AKAP6: variants seen among roughly 807,000 people sequenced by gnomAD.
The protein encoded by AKAP6 is A-kinase anchoring protein 6.
AKAP6 carries 58 observed loss-of-function variants against 188.5 expected under a neutral mutation model. The observed-to-expected ratio is 0.31, with a 90% CI of 0.25 to 0.38. The LOEUF (loss-of-function observed/expected upper bound fraction) is 0.38. AKAP6 is among the 10% of genes least tolerant of loss of function. AKAP6 has a pLI of 1.00. For missense variants in AKAP6, 2,710 were observed against 2,740.0 expected, an observed-to-expected ratio of 0.99 and a Z score of 0.24; for synonymous variants, 989 against 998.6, an observed-to-expected ratio of 0.99 and a Z score of 0.18.
At chr14:32,754,703 C>G (rs1449210315) in intron 11 of AKAP6, among the ~76,000 whole-genome samples, 1 of 152,178 alleles carries the variant, frequency 6.6e-6, no homozygotes. Flanking sequence ...ACTTCCACAA[C>G]TTTTATTTCT....
chr14:32,620,150 C>T (rs867801093), intron 7 of AKAP6, among the ~76,000 whole-genome samples: 6 of 152,040 alleles, frequency 3.9e-5, no homozygotes, highest in South Asian at 2.1e-4. Context: ...TTTGGATGCC[C>T]TTTATTTCTT....
chr14:32,685,092 C>A (rs1889852735), intron 8 of AKAP6, among the ~76,000 whole-genome samples: 1 of 88,454 alleles, frequency 1.1e-5, no homozygotes. Flanking sequence ...CCCCCCCTAC[C>A]AAACCTACAA....
At chr14:32,505,421 A>C (rs906787512) in intron 2 of AKAP6, among the ~76,000 whole-genome samples, 4 of 151,968 alleles carry the variant, frequency 2.6e-5, no homozygotes, top group Non-Finnish European at 5.9e-5. Context: ...TAAGAGGATG[A>C]CAAAAAAAAC....
intron 1 of AKAP6, chr14:32,418,086 AG>A: frequency 6.6e-6 from 1 of 152,324 alleles, no homozygotes; most frequent in African/African-American, 2.4e-5. Flanking sequence ...CAAATGACTA[AG>A]TAAGACCAAC....
chr14:32,517,372 G>T (rs564553861), intron 2 of AKAP6, among the ~76,000 whole-genome samples: 14 of 152,302 alleles, frequency 9.2e-5, no homozygotes, highest in African/African-American at 2.2e-4. Flanking sequence ...TGTAAGTGAC[G>T]CAGAAGACGG....
intron 11 of AKAP6, among the ~76,000 whole-genome samples, chr14:32,765,542 T>C (rs1251748382): frequency 1.3e-5 from 2 of 152,226 alleles, no homozygotes; most frequent in African/African-American, 4.8e-5. Context: ...TGTTTATGTT[T>C]TATGCTATTT....
intron 9 of AKAP6, among the ~76,000 whole-genome samples, chr14:32,705,340 G>A (rs896418062): frequency 6.6e-6 from 1 of 152,070 alleles, no homozygotes; most frequent in African/African-American, 2.4e-5. Flanking sequence ...AAATAGAAAG[G>A]CATTGGGAAG....
At chr14:32,431,371 T>G (rs970430110) in intron 1 of AKAP6, among the ~76,000 whole-genome samples, 13 of 152,224 alleles carry the variant, frequency 8.5e-5, no homozygotes, top group African/African-American at 1.2e-4. Flanking sequence ...CCTTTTGCAT[T>G]CAGGTGGCGA....
chr14:32,829,706 AT>A (rs2034778574), intron 13 of AKAP6, 141 bp from the exon 14 acceptor site: 3 of 447,646 alleles, frequency 6.7e-6, no homozygotes, highest in South Asian at 9.9e-5. Flanking sequence ...AAAATTATTT[AT>A]ATTTTATGTA....
chr14:32,665,528 A>G (rs1888892736), intron 7 of AKAP6, among the ~76,000 whole-genome samples: 1 of 152,150 alleles, frequency 6.6e-6, no homozygotes, highest in Non-Finnish European at 1.5e-5. Flanking sequence ...AGTAACCTCC[A>G]TGTGTTCAGC....
At chr14:32,583,644 G>A (rs547239224) in intron 5 of AKAP6, among the ~76,000 whole-genome samples, 24 of 152,304 alleles carry the variant, frequency 1.6e-4, no homozygotes, top group Middle Eastern at 3.4e-3. Flanking sequence ...CGAGCTTCCT[G>A]GCTGCTTTGT....
At position 32,462,836 on chromosome 14, in the gene AKAP6, C is replaced by T. The variant is rs182432010; in HGVS notation, c.324+29019C>T. On this transcript the variant is annotated intron_variant, in intron 2 of 13. Coordinates refer to ENST00000280979, the MANE Select transcript of AKAP6 (RefSeq NM_004274.5). ...TGCTGCATTCAAGAGACCCATCTCA[C>T]GTGCAAAAACACACATAGGCTCAAA... 6.0e-5 allele frequency among the ~76,000 whole-genome samples: 8 copies of T among 132,900 alleles called. No homozygotes were observed. The East Asian group carries it at 6.7e-4, about 11-fold the overall frequency. 87.2% of individuals were successfully genotyped at this position (132,900 alleles called of 152,430 possible).
At chr14:32,675,750 A>G (rs1297865206) in intron 7 of AKAP6, among the ~76,000 whole-genome samples, 41 of 152,238 alleles carry the variant, frequency 2.7e-4, no homozygotes, top group Admixed American at 2.7e-3. Flanking sequence ...GATATTATGC[A>G]GTAAAAGTCA....
chr14:32,512,939 T>A (rs1252880156), intron 2 of AKAP6, among the ~76,000 whole-genome samples: 1 of 152,162 alleles, frequency 6.6e-6, no homozygotes, highest in Non-Finnish European at 1.5e-5. Context: ...TTAGCAAAAA[T>A]TATATGTTGC....
At chr14:32,384,828 C>T (rs1403203810) in intron 1 of AKAP6, among the ~76,000 whole-genome samples, 1 of 151,994 alleles carries the variant, frequency 6.6e-6, no homozygotes, top group Non-Finnish European at 1.5e-5. Context: ...ACATTTTGTG[C>T]TCATATATGC....
chr14:32,536,096 C>T (rs10142785), intron 3 of AKAP6, among the ~76,000 whole-genome samples: 109,865 of 152,126 alleles, frequency 0.72, 40,020 homozygotes, highest in African/African-American at 0.82. Flanking sequence ...TGAGTACTTA[C>T]TATGTGTCAG....
At chr14:32,725,013 A>AAAAAAAAAAAAC (rs2030791587) in intron 9 of AKAP6, among the ~76,000 whole-genome samples, 2 of 150,244 alleles carry the variant, frequency 1.3e-5, no homozygotes, top group Non-Finnish European at 3.0e-5. Context: ...AAAAAAAAAA[A>AAAAAAAAAAAAC]AAAACAATTT....
intron 11 of AKAP6, among the ~76,000 whole-genome samples, chr14:32,771,550 T>G (rs925926882): frequency 1.3e-5 from 2 of 152,144 alleles, no homozygotes; most frequent in African/African-American, 2.4e-5. Context: ...TATGAAAAAT[T>G]TCTCCTAGCA....
At chr14:32,617,789 C>G (rs1176106412) in intron 7 of AKAP6, among the ~76,000 whole-genome samples, 3 of 152,244 alleles carry the variant, frequency 2.0e-5, no homozygotes, top group East Asian at 3.9e-4. Flanking sequence ...CCACGCCCAG[C>G]TAATTTTTGT....
Sources: gnomAD v4.1 joint callset for allele counts (sites outside exome capture counted in the v4.1 genomes callset) on GRCh38, gnomAD v4.1.1 for gene constraint, MANE v1.5 for transcripts, NCBI Gene and HGNC (gene_info 2026-07-23, HGNC 2026-07-21) for gene names.